Variants in LFNG observed in about 807,000 individuals in gnomAD.
LFNG encodes LFNG O-fucosylpeptide 3-beta-N-acetylglucosaminyltransferase.
In LFNG, 15 loss-of-function variants were observed where a neutral mutation model predicts 32.7. The observed-to-expected ratio is 0.46, with a 90% CI of 0.31 to 0.71. The LOEUF (loss-of-function observed/expected upper bound fraction) is 0.71. Ranked by LOEUF, LFNG falls within the 30% of genes least tolerant of loss-of-function variation. The pLI, the probability that LFNG is intolerant of heterozygous loss-of-function variation, is 0.06. For synonymous variants in LFNG, 274 were observed against 246.8 expected (o/e 1.11, Z -1.03); for missense variants, 520 against 545.7 (o/e 0.95, Z 0.47).
chr7:2,514,984 ATCCGTCCG>A (rs1259292180), upstream of LFNG, among the ~76,000 whole-genome samples: 5 of 150,822 alleles, frequency 3.3e-5, no homozygotes, highest in African/African-American at 1.2e-4. Context: ...CCATCCATCC[ATCCGTCCG>A]TCCATCCATC....
At chr7:2,524,874 G>C (rs1286282439) in intron 2 of LFNG, 131 bp downstream of exon 2, 7 of 859,822 alleles carry the variant, frequency 8.1e-6, no homozygotes, top group Non-Finnish European at 1.1e-5. Context: ...TTTACTCATG[G>C]GGTTTGCTCC....
chr7:2,519,520 C>T (rs1443043146), upstream of LFNG, among the ~76,000 whole-genome samples: 1 of 151,626 alleles, frequency 6.6e-6, no homozygotes, highest in Non-Finnish European at 1.5e-5. Flanking sequence ...GGGCCGGGCC[C>T]GTCCCCAAGC....
Position 2,526,762 on chromosome 7 carries a change from G to A in LFNG, c.988-74G>A. On this transcript the variant is annotated intron_variant, in intron 6 of 7. Transcript: ENST00000222725. The surrounding 1 kb of genome is among the most constrained non-coding windows in gnomAD (Gnocchi z 6.9). ...GGGCAGGGCCGTTGCCTCACTCAGG[G>A]CTGTGTGGCCAGCCTGGGGCGGGGC... is the stretch of plus-strand genomic sequence containing the variant. 1.4e-6 allele frequency: 2 copies of A among 1,420,346 alleles called. No homozygotes were observed. The highest frequency in any genetic ancestry group is 2.0e-6 in the Non-Finnish European group (2 of 1,008,942). 88.0% of individuals were successfully genotyped at this position (1,420,346 alleles called of 1,614,324 possible). A position where few individuals can be genotyped will look rare whatever the true frequency, so the allele number is the denominator to read the frequency against.
At chr7:2,529,037 C>G (rs1422502489), downstream of LFNG, 1 of 431,798 alleles carries the variant, frequency 2.3e-6, no homozygotes, top group East Asian at 3.6e-5. This position sits in a 1 kb window ranked among gnomAD's most constrained non-coding sequence, Gnocchi z 4.2. Flanking sequence ...CAGGCCCCGA[C>G]CCCGCTCAGG....
chr7:2,528,205 C>G lies in LFNG; in HGVS notation c.*993C>G. 2.0e-6 allele frequency: 2 copies of G among 985,848 alleles called. No homozygotes were observed. Among genetic ancestry groups the G allele is most frequent in the South Asian group, 9.4e-5 (2 of 21,306 alleles). The allele number at this position is 985,848 out of a possible 1,614,324, so 61.1% of individuals were successfully genotyped here. A position where few individuals can be genotyped will look rare whatever the true frequency, so the allele number is the denominator to read the frequency against. ...CTGGCACTCTGTGTATTTATGCGTTCCAGCATCTGGAACCTCCCATCCCTG... is the reference window on the plus strand; with the variant it reads ...CTGGCACTCTGTGTATTTATGCGTTGCAGCATCTGGAACCTCCCATCCCTG... On this transcript the variant is annotated 3_prime_UTR_variant, in exon 8 of 8. Transcript: ENST00000222725.
At chr7:2,521,009 C>T (rs1779772284) in intron 1 of LFNG, among the ~76,000 whole-genome samples, 1 of 152,092 alleles carries the variant, frequency 6.6e-6, no homozygotes. Context: ...GGGATGGGGA[C>T]AGTGTGTGGG....
Position 2,526,859 on chromosome 7 carries a change from T to C in LFNG, c.1011T>C (p.Phe337=), listed in dbSNP as rs1779993993. Residue 337 remains phenylalanine (F), a synonymous_variant, in exon 7 of 8, where the codon TTT becomes TTC. Coordinates refer to ENST00000222725, the MANE Select transcript of LFNG (RefSeq NM_001040167.2). This position sits in a 1 kb window ranked among gnomAD's most constrained non-coding sequence, Gnocchi z 6.9. ...AGGTGACGCTGAGCTACGGTATGTT[T>C]GAAAACAAGCGGAACGCCGTCCACG... is the stretch of plus-strand genomic sequence containing the variant. ...HEQVTLSYGM[F]ENKRNAVHVK... 1 of 1,611,838 alleles carries C rather than the reference T, an allele frequency of 6.2e-7. No homozygotes were observed. Among genetic ancestry groups the C allele is most frequent in the African/African-American group, 1.3e-5 (1 of 74,652 alleles).
upstream of LFNG, among the ~76,000 whole-genome samples, chr7:2,513,573 C>T (rs917265375): frequency 6.6e-6 from 1 of 152,216 alleles, no homozygotes; most frequent in Non-Finnish European, 1.5e-5. Context: ...CCTCCCACTG[C>T]TCTGTATCCC....
chr7:2,513,257 A>T (rs758597058), upstream of LFNG: 4 of 1,613,082 alleles, frequency 2.5e-6, no homozygotes, highest in South Asian at 3.3e-5. Flanking sequence ...AGATGGATGG[A>T]TGGATGGATG....
chr7:2,515,249 C>T (rs1330202824), upstream of LFNG, among the ~76,000 whole-genome samples: 1 of 134,416 alleles, frequency 7.4e-6, no homozygotes, highest in Non-Finnish European at 1.5e-5. Context: ...CATCCATCTG[C>T]CAATCTATCT....
upstream of LFNG, among the ~76,000 whole-genome samples, chr7:2,518,373 A>G (rs1779681075): frequency 6.6e-6 from 1 of 151,886 alleles, no homozygotes; most frequent in Non-Finnish European, 1.5e-5. Flanking sequence ...AGGCCTGGGA[A>G]CCCCCATCCC....
chr7:2,526,201 G>A lies in LFNG; in HGVS notation c.822-43G>A. The A allele has an allele frequency of 1.2e-6, 2 of 1,606,664 alleles. No homozygotes were observed. The highest frequency in any genetic ancestry group is 8.5e-7 in the Non-Finnish European group (1 of 1,176,684). ...GGGCCTCCCCAGCTCCCAGCAGATG[G>A]CTCCCGCCTCTGCTCACTGGTCTGG... On this transcript the variant is annotated intron_variant, in intron 5 of 7. Coordinates refer to ENST00000222725, the MANE Select transcript of LFNG (RefSeq NM_001040167.2). The surrounding 1 kb of genome is among the most constrained non-coding windows in gnomAD (Gnocchi z 6.9).
At chr7:2,518,462 CG>C (rs769630477), upstream of LFNG, 1 of 814,648 alleles carries the variant, frequency 1.2e-6, no homozygotes, top group East Asian at 2.4e-5. Flanking sequence ...GCGTCCTTAG[CG>C]GGGGGAGAGG....
At chr7:2,513,457 G>C (rs569573320), upstream of LFNG, 9 of 1,092,770 alleles carry the variant, frequency 8.2e-6, no homozygotes, top group South Asian at 1.4e-4. Flanking sequence ...GGTAGCGATG[G>C]GGAGCCTGGG....
At chr7:2,529,034 C>A (rs953463129), downstream of LFNG, 3 of 428,834 alleles carry the variant, frequency 7.0e-6, no homozygotes, top group Admixed American at 4.2e-5. This position sits in a 1 kb window ranked among gnomAD's most constrained non-coding sequence, Gnocchi z 4.2. Flanking sequence ...CCCCAGGCCC[C>A]GACCCCGCTC....
upstream of LFNG, among the ~76,000 whole-genome samples, chr7:2,513,568 C>A (rs919748073): frequency 1.3e-5 from 2 of 152,328 alleles, no homozygotes; most frequent in Admixed American, 1.3e-4. Flanking sequence ...CCCCTCCTCC[C>A]ACTGCTCTGT....
downstream of LFNG, chr7:2,529,103 G>T (rs780806283): frequency 1.3e-5 from 5 of 393,678 alleles, no homozygotes; most frequent in South Asian, 4.3e-4. This position sits in a 1 kb window ranked among gnomAD's most constrained non-coding sequence, Gnocchi z 4.2. Flanking sequence ...CACTGCAGCT[G>T]GTCCCAGCCC....
At position 2,527,053 on chromosome 7, in the gene LFNG, T is replaced by C; in HGVS notation, c.1074-93T>C. ...AGGTGTCCCCCGGAGTCCTGCTTGCTCGGGGTGGGGCCGCCAGTGTTGTGG... is the reference window on the plus strand; with the variant it reads ...AGGTGTCCCCCGGAGTCCTGCTTGCCCGGGGTGGGGCCGCCAGTGTTGTGG... On this transcript the variant is annotated intron_variant, in intron 7 of 7. Coordinates refer to ENST00000222725, the MANE Select transcript of LFNG (RefSeq NM_001040167.2). The surrounding 1 kb of genome is among the most constrained non-coding windows in gnomAD (Gnocchi z 4.4). 1 of 1,455,816 alleles carries C rather than the reference T, an allele frequency of 6.9e-7. No individual in the cohort carries two copies. Among genetic ancestry groups the C allele is most frequent in the Non-Finnish European group, 9.6e-7 (1 of 1,046,004 alleles). The allele number at this position is 1,455,816 out of a possible 1,614,324, so 90.2% of individuals were successfully genotyped here.
rs928491666 is a variant in LFNG at position 2,528,369 on chromosome 7, T to C, written c.*1157T>C. ...TGATAAGGGAAAAGTTCTCAGGGAA[T>C]TGAAGTGTTGTTGCTATGGTGACGT... On this transcript the variant is annotated 3_prime_UTR_variant, in exon 8 of 8. Transcript: ENST00000222725. The C allele has an allele frequency of 1.0e-6, 1 of 986,244 alleles. No individual in the cohort carries two copies. The highest frequency in any genetic ancestry group is 1.7e-5 in the African/African-American group (1 of 57,248). The allele number at this position is 986,244 out of a possible 1,614,324, so 61.1% of individuals were successfully genotyped here.
Sources: allele counts gnomAD v4.1 joint callset (sites outside exome capture counted in the v4.1 genomes callset), GRCh38; gene constraint gnomAD v4.1.1; non-coding constraint Gnocchi (gnomAD v3.1); transcripts MANE v1.5; gene names NCBI Gene and HGNC (gene_info 2026-07-23, HGNC 2026-07-21).